The following LDB2 variants were observed in gnomAD, a reference collection of about 807,000 sequenced individuals.
LDB2 encodes LIM domain binding 2, also known as LIM domain-binding protein 2.
LDB2 carries 12 observed loss-of-function variants against 44.3 expected under a neutral mutation model. The observed-to-expected ratio is 0.27, with a 90% confidence interval of 0.17 to 0.44. The LOEUF (loss-of-function observed/expected upper bound fraction) is 0.44, where lower values mean the gene tolerates loss of function less well. Among genes scored for constraint, LDB2 ranks in the 20% least tolerant of loss-of-function variants. The probability of loss-of-function intolerance (pLI) is 1.00; values close to 1 mark genes in which losing one functional copy is unlikely to be tolerated. For missense variants in LDB2, 344 were observed against 473.5 expected (o/e 0.73, Z 2.54); for synonymous variants, 164 against 174.8 (o/e 0.94, Z 0.49).
intron 2 of LDB2, among the ~76,000 whole-genome samples, chr4:16,661,617 A>G (rs1008998845): frequency 1.3e-5 from 2 of 152,182 alleles, no homozygotes; most frequent in Non-Finnish European, 2.9e-5. Flanking sequence ...TAGTATGGCT[A>G]TAACCATTTT....
intron 1 of LDB2, among the ~76,000 whole-genome samples, chr4:16,797,839 A>G (rs1400469559): frequency 6.6e-6 from 1 of 151,978 alleles, no homozygotes; most frequent in Non-Finnish European, 1.5e-5. Flanking sequence ...GTTTGAGACC[A>G]GCCTGGCCAA....
At chr4:16,555,455 A>G (rs547813270) in intron 5 of LDB2, among the ~76,000 whole-genome samples, 15 of 152,322 alleles carry the variant, frequency 9.8e-5, no homozygotes, top group African/African-American at 2.9e-4. Context: ...ACATACATAC[A>G]CATACACACA....
intron 5 of LDB2, among the ~76,000 whole-genome samples, chr4:16,559,864 G>C (rs1283990270): frequency 1.3e-5 from 2 of 152,080 alleles, no homozygotes; most frequent in Admixed American, 1.3e-4. Context: ...ATAACAAACT[G>C]TCTCTCAGAC....
chr4:16,557,674 G>A lies in LDB2; in HGVS notation c.615+28248C>T, dbSNP rs544466613. ...CAAAAAGACAGCAGTAACCTCTGCA[G>A]ACTTAAATGTCCCTGTCTCACAGCT... On this transcript the variant is annotated intron_variant, in intron 5 of 7. Coordinates refer to ENST00000304523, the MANE Select transcript of LDB2 (RefSeq NM_001290.5). Among the ~76,000 whole-genome samples, 422 of 152,340 alleles carry A rather than the reference G, an allele frequency of 2.8e-3. 3 individuals carry two copies. The highest frequency in any genetic ancestry group is 3.8e-3 in the Non-Finnish European group (257 of 68,028).
chr4:16,593,355 T>C (rs1428648050), intron 3 of LDB2, among the ~76,000 whole-genome samples: 1 of 152,190 alleles, frequency 6.6e-6, no homozygotes, highest in African/African-American at 2.4e-5. Context: ...GCCCACTGTT[T>C]TGTAGTAAAC....
chr4:16,703,965 G>T (rs796281182), intron 2 of LDB2, among the ~76,000 whole-genome samples: 4 of 152,284 alleles, frequency 2.6e-5, no homozygotes, highest in African/African-American at 9.6e-5. Flanking sequence ...TTTAGGGAAA[G>T]ATTTCTTTCA....
At chr4:16,857,877 C>T (rs1157281219) in intron 1 of LDB2, among the ~76,000 whole-genome samples, 1 of 152,110 alleles carries the variant, frequency 6.6e-6, no homozygotes, top group Admixed American at 6.5e-5. Flanking sequence ...GAACGCAGTA[C>T]ATCTTGTGTT....
intron 1 of LDB2, among the ~76,000 whole-genome samples, chr4:16,787,133 G>C (rs1028807575): frequency 1.3e-5 from 2 of 152,168 alleles, no homozygotes; most frequent in South Asian, 4.1e-4. Context: ...GGAAAAAGTA[G>C]CAGGTGCTGA....
At chr4:16,717,187 A>AATAATAATAATAATAATGATG (rs56204510) in intron 2 of LDB2, among the ~76,000 whole-genome samples, 21 of 146,886 alleles carry the variant, frequency 1.4e-4, no homozygotes, top group African/African-American at 5.2e-4. Context: ...TAATAATAAT[A>AATAATAATAATAATAATGATG]ATGATGATGA....
At chr4:16,554,324 A>G (rs1468930864) in intron 5 of LDB2, among the ~76,000 whole-genome samples, 1 of 152,156 alleles carries the variant, frequency 6.6e-6, no homozygotes, top group Non-Finnish European at 1.5e-5. Flanking sequence ...TGCTGGGATT[A>G]CAGGTGTGAG....
chr4:16,735,549 T>G (rs1206880860), intron 2 of LDB2, among the ~76,000 whole-genome samples: 1 of 147,114 alleles, frequency 6.8e-6, no homozygotes, highest in East Asian at 2.1e-4. Flanking sequence ...GAATATTCAT[T>G]TCAATAAATG....
At chr4:16,894,554 G>A (rs1724367623) in intron 1 of LDB2, among the ~76,000 whole-genome samples, 1 of 152,074 alleles carries the variant, frequency 6.6e-6, no homozygotes, top group Non-Finnish European at 1.5e-5. Flanking sequence ...TTAGTACTTA[G>A]TCACTTGCTT....
intron 2 of LDB2, among the ~76,000 whole-genome samples, chr4:16,745,894 G>GA (rs201570479): frequency 0.16 from 21,160 of 135,252 alleles, 2,176 homozygotes; most frequent in East Asian, 0.4. Context: ...CTCTATTGTT[G>GA]AAAAAAAAAA....
intron 1 of LDB2, among the ~76,000 whole-genome samples, chr4:16,880,864 A>G (rs974788805): frequency 5.4e-5 from 8 of 147,776 alleles, no homozygotes; most frequent in Non-Finnish European, 1.2e-4. Context: ...AGATCACACC[A>G]CTGCACTCCA....
chr4:16,670,693 A>G (rs1012031379), intron 2 of LDB2, among the ~76,000 whole-genome samples: 4 of 152,238 alleles, frequency 2.6e-5, no homozygotes, highest in Non-Finnish European at 4.4e-5. Context: ...TGGGCAAATT[A>G]CTTAACTATC....
chr4:16,795,549 G>A (rs935210975), intron 1 of LDB2, among the ~76,000 whole-genome samples: 9 of 152,108 alleles, frequency 5.9e-5, no homozygotes, highest in Non-Finnish European at 1.2e-4. Flanking sequence ...CAGCATTTGA[G>A]GTGGTTCACT....
intron 2 of LDB2, among the ~76,000 whole-genome samples, chr4:16,688,199 A>T (rs1749728236): frequency 6.6e-6 from 1 of 152,246 alleles, no homozygotes; most frequent in Non-Finnish European, 1.5e-5. Context: ...GCCTCCCCAC[A>T]GTAGGAATAC....
At chr4:16,890,705 G>A (rs1279875828) in intron 1 of LDB2, among the ~76,000 whole-genome samples, 2 of 152,200 alleles carry the variant, frequency 1.3e-5, no homozygotes, top group East Asian at 3.8e-4. Context: ...TGAGGCCTCG[G>A]TTGCTTGTCT....
At chr4:16,748,308 A>T (rs189885050) in intron 2 of LDB2, among the ~76,000 whole-genome samples, 1 of 152,346 alleles carries the variant, frequency 6.6e-6, no homozygotes, top group East Asian at 1.9e-4. Flanking sequence ...ACAACTTCAT[A>T]AAAATAAACA....
Sources: gnomAD v4.1 joint callset for allele counts (sites outside exome capture counted in the v4.1 genomes callset) on GRCh38, gnomAD v4.1.1 for gene constraint, MANE v1.5 for transcripts, NCBI Gene and HGNC (gene_info 2026-07-23, HGNC 2026-07-21) for gene names.